Variants in ARHGAP42 observed in about 807,000 individuals in gnomAD.
ARHGAP42 encodes the protein rho GTPase-activating protein 42.
A neutral mutation model predicts 125.0 loss-of-function variants in ARHGAP42; 63 were observed. The ratio of observed to expected loss-of-function variants is 0.50; its 90% CI spans 0.41 to 0.62. The LOEUF (loss-of-function observed/expected upper bound fraction) is 0.62. ARHGAP42 is among the 20% of genes least tolerant of loss of function. The pLI is 0.00. For synonymous variants in ARHGAP42, 339 were observed against 351.0 expected, an observed-to-expected ratio of 0.97 and a Z score of 0.38; for missense variants, 766 against 1,024.2, an observed-to-expected ratio of 0.75 and a Z score of 3.44.
intron 1 of ARHGAP42, among the ~76,000 whole-genome samples, chr11:100,767,447 G>C (rs7945463): frequency 0.092 from 14,038 of 152,220 alleles, 1,049 homozygotes; most frequent in African/African-American, 0.21. Context: ...CTGTGTTCTT[G>C]TTTGGGGATG....
chr11:100,691,044 T>A (rs1228776798), intron 1 of ARHGAP42, among the ~76,000 whole-genome samples: 1 of 152,206 alleles, frequency 6.6e-6, no homozygotes, highest in Non-Finnish European at 1.5e-5. Flanking sequence ...CCTCTCTTAG[T>A]CCTAACTTTC....
intron 22 of ARHGAP42, among the ~76,000 whole-genome samples, chr11:100,980,516 C>T (rs4754715): frequency 0.18 from 25,467 of 142,658 alleles, 3,124 homozygotes; most frequent in East Asian, 0.46. Context: ...AATAAAAATA[C>T]ACTCAGATGT....
intron 3 of ARHGAP42, among the ~76,000 whole-genome samples, chr11:100,841,025 T>G (rs1222799777): frequency 1.3e-5 from 2 of 152,182 alleles, no homozygotes; most frequent in Non-Finnish European, 2.9e-5. Context: ...AGTATAACTT[T>G]GACATGTGAA....
At chr11:100,949,825 T>C (rs902523137) in intron 11 of ARHGAP42, 92 bp from the exon 12 acceptor site, 7 of 790,876 alleles carry the variant, frequency 8.9e-6, no homozygotes, top group African/African-American at 1.8e-5. Context: ...CAAGACACTC[T>C]TTTCATCTAT....
chr11:100,900,244 T>C (rs929217922), intron 4 of ARHGAP42, among the ~76,000 whole-genome samples: 5 of 152,230 alleles, frequency 3.3e-5, no homozygotes, highest in Admixed American at 1.3e-4. Context: ...CCCCACTCTC[T>C]TCTAGCTTGT....
intron 4 of ARHGAP42, among the ~76,000 whole-genome samples, chr11:100,903,888 G>A (rs1014000643): frequency 3.3e-5 from 5 of 151,566 alleles, no homozygotes; most frequent in Non-Finnish European, 5.9e-5. Context: ...CGATGTTCGA[G>A]GGCAGGAAGC....
intron 1 of ARHGAP42, among the ~76,000 whole-genome samples, chr11:100,702,777 T>G (rs2120209276): frequency 6.6e-6 from 1 of 152,026 alleles, no homozygotes; most frequent in Non-Finnish European, 1.5e-5. Flanking sequence ...GTTCAAGCGA[T>G]TCTCCTGCCT....
chr11:100,866,861 A>G (rs1865580948), intron 4 of ARHGAP42, among the ~76,000 whole-genome samples: 1 of 152,196 alleles, frequency 6.6e-6, no homozygotes, highest in African/African-American at 2.4e-5. Flanking sequence ...TTTAATCATA[A>G]GACTTGAAAG....
intron 4 of ARHGAP42, among the ~76,000 whole-genome samples, chr11:100,893,225 C>T (rs1024794384): frequency 6.7e-6 from 1 of 149,818 alleles, no homozygotes; most frequent in Non-Finnish European, 1.5e-5. Context: ...TTTTGAGTCT[C>T]AGTGTTTTAA....
rs754841603 is a variant in ARHGAP42 at position 100,941,892 on chromosome 11, A to C, written c.933+8A>C. 1 of 1,507,174 alleles carries C rather than the reference A, an allele frequency of 6.6e-7. No individual in the cohort carries two copies. Among genetic ancestry groups the C allele is most frequent in the Non-Finnish European group, 8.9e-7 (1 of 1,121,390 alleles). 93.4% of individuals were successfully genotyped at this position (1,507,174 alleles called of 1,614,324 possible). On this transcript the variant is annotated splice_region_variant and intron_variant, in intron 9 of 23. Transcript: ENST00000298815. The stretch of plus-strand genomic sequence containing the variant: ...AAATCCAGTGGGAAAATGGTGAGTT[A>C]GTTTTGTTTTCTGTTTGTTTTTTAA...
chr11:100,864,791 T>C (rs1456631792), intron 4 of ARHGAP42, among the ~76,000 whole-genome samples: 1 of 152,188 alleles, frequency 6.6e-6, no homozygotes, highest in East Asian at 1.9e-4. Flanking sequence ...ATCTTCGTTA[T>C]CAAAATGTTT....
chr11:100,980,986 G>T (rs1425980371), intron 22 of ARHGAP42, among the ~76,000 whole-genome samples: 1 of 152,146 alleles, frequency 6.6e-6, no homozygotes, highest in Admixed American at 6.5e-5. Flanking sequence ...CAGTCTGTCA[G>T]TTCACAACAC....
At chr11:100,746,540 A>T (rs1862310686) in intron 1 of ARHGAP42, among the ~76,000 whole-genome samples, 1 of 152,202 alleles carries the variant, frequency 6.6e-6, no homozygotes, top group South Asian at 2.1e-4. Flanking sequence ...TTAACCAAGC[A>T]TTTACATCTT....
rs373059302 is a variant in ARHGAP42 at position 100,837,666 on chromosome 11, C to CTTTTTTTTTTTTTTTTTTTTT, written c.313-21877_313-21857dup. On this transcript the variant is annotated intron_variant, in intron 3 of 23. Transcript: ENST00000298815. ...CAGTTCCCAGAATCTAGGTGTCATC[C>CTTTTTTTTTTTTTTTTTTTTT]TTTTTTTTTTTTTTTTTTTTTTTTT... 1.0e-3 allele frequency among the ~76,000 whole-genome samples: 64 copies of CTTTTTTTTTTTTTTTTTTTTT among 61,020 alleles called. 8 individuals are homozygous for CTTTTTTTTTTTTTTTTTTTTT. Among genetic ancestry groups the CTTTTTTTTTTTTTTTTTTTTT allele is most frequent in the East Asian group, 3.5e-3 (6 of 1,706 alleles). 40.0% of individuals were successfully genotyped at this position (61,020 alleles called of 152,430 possible).
At chr11:100,758,428 T>C (rs1862624580) in intron 1 of ARHGAP42, among the ~76,000 whole-genome samples, 2 of 151,204 alleles carry the variant, frequency 1.3e-5, no homozygotes, top group African/African-American at 4.9e-5. Flanking sequence ...ACAGCTGAGA[T>C]GAAAATGCAC....
chr11:100,891,593 C>A (rs1314808696), intron 4 of ARHGAP42, among the ~76,000 whole-genome samples: 1 of 151,956 alleles, frequency 6.6e-6, no homozygotes, highest in African/African-American at 2.4e-5. Flanking sequence ...CAGGTGCACA[C>A]CACCACACCC....
chr11:100,923,978 T>C (rs867004722), intron 6 of ARHGAP42, among the ~76,000 whole-genome samples: 17 of 152,076 alleles, frequency 1.1e-4, no homozygotes, highest in Admixed American at 1.3e-4. Context: ...ACAAATTAAT[T>C]TGGAGGAGAA....
intron 5 of ARHGAP42, among the ~76,000 whole-genome samples, chr11:100,920,594 A>C (rs952582418): frequency 2.0e-5 from 3 of 152,262 alleles, no homozygotes; most frequent in East Asian, 1.9e-4. Flanking sequence ...AAGAAAAGTA[A>C]GTCATGTCTC....
At chr11:100,811,574 G>A (rs559092454) in intron 3 of ARHGAP42, among the ~76,000 whole-genome samples, 7 of 149,846 alleles carry the variant, frequency 4.7e-5, no homozygotes, top group South Asian at 2.1e-4. Flanking sequence ...GTGTGATCTC[G>A]GCTCACTTCA....
Sources: gnomAD v4.1 joint callset for allele counts (sites outside exome capture counted in the v4.1 genomes callset) on GRCh38, gnomAD v4.1.1 for gene constraint, MANE v1.5 for transcripts, NCBI Gene and HGNC (gene_info 2026-07-23, HGNC 2026-07-21) for gene names.